The following COL4A4 variants were observed in gnomAD, a reference collection of about 807,000 sequenced individuals.
The protein encoded by COL4A4 is collagen type IV alpha 4 chain, also known as collagen alpha-4(IV) chain.
Under a neutral mutation model 192.9 loss-of-function variants are expected in COL4A4, and 105 were observed. That is an observed-to-expected ratio of 0.54 (90% CI 0.46 to 0.64). The LOEUF is 0.64. COL4A4 is among the 30% of genes least tolerant of loss of function. The pLI is 0.00. For synonymous variants in COL4A4, 762 were observed against 769.9 expected (o/e 0.99, Z 0.17); for missense variants, 1,967 against 2,169.3 (o/e 0.91, Z 1.85).
chr2:227,115,063 G>T (rs1158291818), intron 7 of COL4A4, among the ~76,000 whole-genome samples: 3 of 152,018 alleles, frequency 2.0e-5, no homozygotes, highest in Non-Finnish European at 4.4e-5. Flanking sequence ...TATATATAGA[G>T]AGAGAGATTT....
At chr2:227,111,770 T>G in intron 8 of COL4A4, 57 bp from the exon 9 acceptor site, 1 of 1,549,138 alleles carries the variant, frequency 6.5e-7, no homozygotes, top group East Asian at 2.3e-5. Flanking sequence ...AAACAGAGAT[T>G]ATGTAAAAAT....
chr2:227,061,269 T>C (rs1015696482), intron 26 of COL4A4, among the ~76,000 whole-genome samples: 1 of 152,216 alleles, frequency 6.6e-6, no homozygotes, highest in Admixed American at 6.5e-5. Flanking sequence ...TACGGAATTA[T>C]ATTTCCGCAC....
chr2:227,024,017 CAAAA>C (rs1236294137), intron 43 of COL4A4, among the ~76,000 whole-genome samples: 1 of 137,680 alleles, frequency 7.3e-6, no homozygotes, highest in Non-Finnish European at 1.6e-5. Context: ...AAAAAAAAAA[CAAAA>C]AACAAACAAA....
intron 37 of COL4A4, among the ~76,000 whole-genome samples, chr2:227,036,553 T>A (rs537323129): frequency 5.9e-5 from 9 of 152,342 alleles, no homozygotes; most frequent in African/African-American, 1.4e-4. Context: ...TTGAAAAACC[T>A]GGAAGATTCT....
chr2:226,973,710 TATC>T, the COL4A4 span, among the ~76,000 whole-genome samples: 217 of 152,332 alleles, frequency 1.4e-3, 3 homozygotes, highest in East Asian at 0.025. Flanking sequence ...AGCATTTTGT[TATC>T]ATTGTTATTG....
At chr2:227,082,819 A>G (rs545725367) in intron 22 of COL4A4, among the ~76,000 whole-genome samples, 1 of 152,348 alleles carries the variant, frequency 6.6e-6, no homozygotes, top group Non-Finnish European at 1.5e-5. Flanking sequence ...ACAGGTAAAT[A>G]GCTAATTTTG....
In COL4A4 at chr2:227,103,184, A is replaced by G; in HGVS notation, c.830T>C (p.Ile277Thr). 1.2e-6 allele frequency: 2 copies of G among 1,612,880 alleles called. No homozygotes were observed. The highest frequency in any genetic ancestry group is 1.1e-5 in the South Asian group (1 of 90,786). The change falls in exon 14 of 48, where the codon ATT (isoleucine) becomes ACT (threonine). Residue 277 changes from isoleucine to threonine, a missense_variant. By Grantham distance (89) the Ile-to-Thr change is moderately conservative. Transcript: ENST00000396625. Reference sequence around the variant, plus strand: ...TCCTGGCAGTCCAACCATTCCAGGAATTCCTTTTATACCCTAAAAATTACA... The same window carrying G: ...TCCTGGCAGTCCAACCATTCCAGGAGTTCCTTTTATACCCTAAAAATTACA... The part of the protein sequence containing the change: ...LYKGEKGIKG[I>T]PGMVGLPGPP...
chr2:227,007,942 A>G, intron 47 of COL4A4, 76 bp downstream of exon 47: 1 of 1,560,712 alleles, frequency 6.4e-7, no homozygotes, highest in Non-Finnish European at 8.7e-7. Context: ...ATTACTGTCC[A>G]ATCCAGAGAG....
At chr2:226,995,868 G>T in the COL4A4 span, 1 of 240,746 alleles carries the variant, frequency 4.2e-6, no homozygotes, top group South Asian at 9.0e-5. Flanking sequence ...ACTTACACCA[G>T]TCGGGAAGAT....
chr2:227,061,217 T>C (rs900426143), intron 26 of COL4A4, among the ~76,000 whole-genome samples: 4 of 152,140 alleles, frequency 2.6e-5, no homozygotes, highest in Non-Finnish European at 4.4e-5. Flanking sequence ...AAAGTAAAAA[T>C]GAACGTTCAA....
chr2:227,094,050 CTA>C, intron 20 of COL4A4, 73 bp downstream of exon 20: 5 of 1,365,622 alleles, frequency 3.7e-6, no homozygotes, highest in Non-Finnish European at 5.1e-6. Context: ...ATTTTAAAAA[CTA>C]TGCTTTCTTA....
the COL4A4 span, among the ~76,000 whole-genome samples, chr2:226,982,163 G>A: frequency 6.6e-6 from 1 of 152,202 alleles, no homozygotes; most frequent in African/African-American, 2.4e-5. Flanking sequence ...GAGGTTCCCA[G>A]TGATTCCCTC....
At chr2:227,113,487 A>G (rs2061331957) in intron 8 of COL4A4, among the ~76,000 whole-genome samples, 1 of 152,236 alleles carries the variant, frequency 6.6e-6, no homozygotes, top group Admixed American at 6.5e-5. Flanking sequence ...ATAAATTATT[A>G]TAACAGTCTT....
At chr2:227,140,417 T>C (rs991308383) in intron 3 of COL4A4, among the ~76,000 whole-genome samples, 179 bp from the exon 4 acceptor site, 1 of 152,176 alleles carries the variant, frequency 6.6e-6, no homozygotes, top group Non-Finnish European at 1.5e-5. Context: ...GAGGGTTGAT[T>C]ATATGAGCAA....
At chr2:227,145,636 C>T (rs1029470813) in intron 2 of COL4A4, among the ~76,000 whole-genome samples, 1 of 152,130 alleles carries the variant, frequency 6.6e-6, no homozygotes, top group Non-Finnish European at 1.5e-5. Context: ...TATCTGCCAT[C>T]CTTGTTCTTT....
chr2:227,140,307 T>TG lies in COL4A4; in HGVS notation c.115-70_115-69insC, dbSNP rs549326469. ...TTAACTACGTGCATAACACATACAT[T>TG]ATAACAAGCACTCTTGGTTTACCTT... On this transcript the variant is annotated intron_variant, in intron 3 of 47. Transcript: ENST00000396625. 324 of 1,280,194 alleles carry TG rather than the reference T, an allele frequency of 2.5e-4. 8 individuals are homozygous for TG. In the South Asian group the frequency reaches 3.7e-3, roughly 15 times the overall value. The allele number at this position is 1,280,194 out of a possible 1,614,324, so 79.3% of individuals were successfully genotyped here.
intron 3 of COL4A4, among the ~76,000 whole-genome samples, chr2:227,142,566 C>T (rs1292382090): frequency 2.6e-5 from 4 of 152,062 alleles, no homozygotes; most frequent in African/African-American, 7.2e-5. Context: ...CCAGCCTGGC[C>T]AACATGGTGA....
At chr2:227,085,201 G>C (rs2059533579) in intron 22 of COL4A4, among the ~76,000 whole-genome samples, 2 of 152,030 alleles carry the variant, frequency 1.3e-5, no homozygotes. Flanking sequence ...TAGTTGTTCA[G>C]TCTAGATAAG....
chr2:227,098,674 G>C lies in COL4A4; in HGVS notation c.1204+20C>G. ...GGAAATCTGACCTGTAAAAGCCAGG[G>C]CACATCAGGGCATCCGTACCTGCAC... is the stretch of plus-strand genomic sequence containing the variant. On this transcript the variant is annotated intron_variant, in intron 19 of 47. Transcript: ENST00000396625. 2.5e-6 allele frequency: 4 copies of C among 1,593,816 alleles called. No homozygotes were observed. The highest frequency in any genetic ancestry group is 3.4e-6 in the Non-Finnish European group (4 of 1,161,690).
Sources: allele counts gnomAD v4.1 joint callset (sites outside exome capture counted in the v4.1 genomes callset), GRCh38; gene constraint gnomAD v4.1.1; transcripts MANE v1.5; gene names NCBI Gene and HGNC (gene_info 2026-07-23, HGNC 2026-07-21).